ARL17B: variants seen among roughly 807,000 people sequenced by gnomAD.
ARL17B encodes ARF like GTPase 17B.
intron 4 of ARL17B, among the ~76,000 whole-genome samples, chr17:46,275,805 A>T (rs2049570549): frequency 6.6e-6 from 1 of 152,240 alleles, no homozygotes; most frequent in South Asian, 2.1e-4. Flanking sequence ...GGGAAAAATT[A>T]TGCTAAAACA....
In ARL17B at chr17:46,286,333, A is replaced by G. The variant is rs541829545; in HGVS notation, c.*22-10915T>C. 5.2e-5 allele frequency among the ~76,000 whole-genome samples: 8 copies of G among 152,382 alleles called. No homozygotes were observed. The South Asian group carries it at 1.4e-3, about 28-fold the overall frequency. On this transcript the variant is annotated intron_variant, in intron 4 of 4. Coordinates refer to the ARL17B transcript ENST00000570618. The stretch of plus-strand genomic sequence containing the variant: ...GAGAACCAATTTAAAGATAAATATG[A>G]AACATTCAATTGATTTTAAAGCTGA...
intron 4 of ARL17B, among the ~76,000 whole-genome samples, chr17:46,291,129 G>A (rs2050054310): frequency 6.6e-6 from 1 of 152,224 alleles, no homozygotes; most frequent in Admixed American, 6.5e-5. Context: ...TATAGAGAGA[G>A]ACTGAACTTC....
At position 46,291,455 on chromosome 17, in the gene ARL17B, G is replaced by A. The variant is rs559474744; in HGVS notation, c.*21+8071C>T. On this transcript the variant is annotated intron_variant, in intron 4 of 4. Coordinates refer to the ARL17B transcript ENST00000570618. ...TGAACACTAACAGTAAGAGTTTCTC[G>A]GGGGTAAGGGAGGCTAACATGCTGT... Among the ~76,000 whole-genome samples the A allele has an allele frequency of 9.2e-5, 14 of 152,056 alleles. No homozygotes were observed. The East Asian group carries it at 1.5e-3, about 17-fold the overall frequency.
chr17:46,282,282 T>A (rs1245106305), intron 4 of ARL17B, among the ~76,000 whole-genome samples: 1 of 151,942 alleles, frequency 6.6e-6, no homozygotes, highest in Non-Finnish European at 1.5e-5. Context: ...TTTTGTTATT[T>A]TTAGTAGAGA....
intron 3 of ARL17B, among the ~76,000 whole-genome samples, chr17:46,307,757 C>T (rs1348128275): frequency 1.3e-5 from 1 of 79,176 alleles, no homozygotes; most frequent in Non-Finnish European, 3.9e-5. Flanking sequence ...GTGGCTCATG[C>T]CTGTAATTCC....
At chr17:46,276,375 C>T (rs1308720322) in intron 4 of ARL17B, among the ~76,000 whole-genome samples, 4 of 152,184 alleles carry the variant, frequency 2.6e-5, no homozygotes, top group African/African-American at 7.2e-5. Context: ...CACTATACAT[C>T]GTTAACATTA....
chr17:46,276,134 G>T lies in ARL17B; in HGVS notation c.*22-716C>A, dbSNP rs1467459538. Among the ~76,000 whole-genome samples, 6 of 152,174 alleles carry T rather than the reference G, an allele frequency of 3.9e-5. No individual in the cohort carries two copies. In the South Asian group the frequency reaches 6.2e-4, roughly 16 times the overall value. ...GCAAACTCCTGACCTCAGGTGATCC[G>T]CCCGCCTCGGCCTCCCAAAGTGCTG... On this transcript the variant is annotated intron_variant, in intron 4 of 4. Coordinates refer to the ARL17B transcript ENST00000570618.
chr17:46,286,154 G>A (rs1258586058), intron 4 of ARL17B, among the ~76,000 whole-genome samples: 3 of 152,212 alleles, frequency 2.0e-5, no homozygotes, highest in Non-Finnish European at 4.4e-5. Flanking sequence ...TTATAATAAA[G>A]CATGCACCTG....
intron 4 of ARL17B, among the ~76,000 whole-genome samples, chr17:46,278,374 TTGTTTTGTTC>T (rs1285206188): frequency 2.1e-4 from 32 of 151,298 alleles, no homozygotes; most frequent in Non-Finnish European, 3.4e-4. Flanking sequence ...CTTTTTTGTT[TTGTTTTGTTC>T]TGTTTTGTTT....
At chr17:46,291,180 T>G (rs1370118905) in intron 4 of ARL17B, among the ~76,000 whole-genome samples, 9 of 152,274 alleles carry the variant, frequency 5.9e-5, no homozygotes, top group Admixed American at 6.5e-5. Flanking sequence ...CATTTCCTAG[T>G]TCATATATTT....
intron 4 of ARL17B, among the ~76,000 whole-genome samples, chr17:46,276,210 A>G (rs1477370901): frequency 6.6e-6 from 1 of 152,244 alleles, no homozygotes; most frequent in African/African-American, 2.4e-5. Flanking sequence ...TTGTCAGTAA[A>G]CCAAATTACT....
intron 4 of ARL17B, among the ~76,000 whole-genome samples, chr17:46,283,592 T>C (rs2049827679): frequency 6.6e-6 from 1 of 152,266 alleles, no homozygotes; most frequent in African/African-American, 2.4e-5. Flanking sequence ...ACTCAAAGCT[T>C]GGTCGGAAGA....
intron 3 of ARL17B, among the ~76,000 whole-genome samples, chr17:46,327,781 A>G (rs2144033012): frequency 9.6e-5 from 1 of 10,438 alleles, no homozygotes; most frequent in African/African-American, 1.4e-4. Flanking sequence ...CATTCCTTCT[A>G]CATTTACTAG....
chr17:46,319,212 A>ATT (rs1225879085), intron 3 of ARL17B, among the ~76,000 whole-genome samples: 1 of 1,640 alleles, frequency 6.1e-4, no homozygotes, highest in East Asian at 5.2e-3. Context: ...ATTGTGGTCA[A>ATT]TTTTTTTTTT....
chr17:46,284,517 C>T (rs2049854248), intron 4 of ARL17B, among the ~76,000 whole-genome samples: 1 of 152,240 alleles, frequency 6.6e-6, no homozygotes, highest in Admixed American at 6.5e-5. Context: ...AAAATGGAGT[C>T]TCCTATGTCT....
chr17:46,275,703 T>TA (rs1421750660), intron 4 of ARL17B, among the ~76,000 whole-genome samples: 3 of 152,202 alleles, frequency 2.0e-5, no homozygotes, highest in Non-Finnish European at 2.9e-5. Context: ...ACTGGACAAA[T>TA]AGAGACATTT....
rs916311921 is a variant in ARL17B, at chr17:46,340,784, C to T, written c.260-1010G>A. Among the ~76,000 whole-genome samples the T allele has an allele frequency of 6.4e-5, 5 of 78,284 alleles. 1 individual carries two copies. Among genetic ancestry groups the T allele is most frequent in the African/African-American group, 1.5e-4 (4 of 26,332 alleles). 51.4% of individuals were successfully genotyped at this position (78,284 alleles called of 152,430 possible). A position where few individuals can be genotyped will look rare whatever the true frequency, so the allele number is the denominator to read the frequency against. On this transcript the variant is annotated intron_variant, in intron 3 of 3. Coordinates refer to ENST00000450673, the MANE Select transcript of ARL17B (RefSeq NM_001039083.5). ...CTTGAACTCCTGACCTCAAGTGATC[C>T]GCTCACCTTGGCCTCCCAAAGTGCT...
chr17:46,280,415 T>C (rs1308929384), intron 4 of ARL17B, among the ~76,000 whole-genome samples: 1 of 152,202 alleles, frequency 6.6e-6, no homozygotes, highest in Non-Finnish European at 1.5e-5. Context: ...GGCTCACGGC[T>C]GTAATCCCAG....
chr17:46,280,567 C>T (rs1598066828), intron 4 of ARL17B, among the ~76,000 whole-genome samples: 1 of 131,432 alleles, frequency 7.6e-6, no homozygotes, highest in African/African-American at 2.9e-5. Flanking sequence ...TTTGATAGCA[C>T]ACTTTTTTTT....
Sources: gnomAD v4.1 joint callset for allele counts (sites outside exome capture counted in the v4.1 genomes callset) on GRCh38, gnomAD v4.1.1 for gene constraint, MANE v1.5 for transcripts, NCBI Gene and HGNC (gene_info 2026-07-23, HGNC 2026-07-21) for gene names.